PEG3: variants seen among roughly 807,000 people sequenced by gnomAD.
The protein encoded by PEG3 is paternally-expressed gene 3 protein.
Under a neutral mutation model 35.5 loss-of-function variants are expected in PEG3, and 23 were observed. That is an observed-to-expected ratio of 0.65 (90% confidence interval 0.47 to 0.92). PEG3 has a LOEUF of 0.92. Ranked by LOEUF, PEG3 falls within the 40% of genes least tolerant of loss-of-function variation. PEG3 has a pLI of 0.00. For synonymous variants in PEG3, 707 were observed against 697.0 expected (o/e 1.01, Z -0.23); for missense variants, 1,960 against 1,985.3 (o/e 0.99, Z 0.24).
chr19:56,837,174 G>A (rs2062236255), intron 1 of PEG3, among the ~76,000 whole-genome samples: 1 of 152,008 alleles, frequency 6.6e-6, no homozygotes, highest in South Asian at 2.1e-4. Context: ...ACTAAGCTTT[G>A]GAAGCTGGGC....
chr19:56,834,347 G>A (rs1338075007), intron 2 of PEG3, among the ~76,000 whole-genome samples: 1 of 152,122 alleles, frequency 6.6e-6, no homozygotes, highest in Non-Finnish European at 1.5e-5. Flanking sequence ...CAACATGGCT[G>A]TACCAGGCTA....
In PEG3 at chr19:56,816,005, T is replaced by C. The variant is rs750063058; in HGVS notation, c.2437A>G (p.Ile813Val). The C allele has an allele frequency of 3.8e-6, 6 of 1,588,500 alleles. No individual in the cohort carries two copies. Among genetic ancestry groups the C allele is most frequent in the Middle Eastern group, 1.7e-4 (1 of 5,898 alleles). ...AESTIQSFDA[I>V]NHQRVRAGGN... ...CCAGCACGAACTCTCTGATGGTTGA[T>C]AGCATCGAAGCTCTGAATGGTAGAC... The change falls in exon 10 of 10, where the codon ATC becomes GTC. Residue 813 changes from isoleucine to valine, a missense_variant. By Grantham distance (29) the Ile-to-Val change is conservative. Transcript: ENST00000326441.
intron 1 of PEG3, among the ~76,000 whole-genome samples, chr19:56,836,894 C>T (rs1395624551): frequency 5.6e-5 from 8 of 144,022 alleles, no homozygotes; most frequent in African/African-American, 1.3e-4. Flanking sequence ...CACTTGAACC[C>T]GGGAGGCAGA....
intron 2 of PEG3, among the ~76,000 whole-genome samples, chr19:56,826,803 A>G (rs987502375): frequency 6.6e-6 from 1 of 152,242 alleles, no homozygotes; most frequent in South Asian, 2.1e-4. Flanking sequence ...CAATTACAAT[A>G]AGACAAGAAA....
Position 56,817,356 on chromosome 19 carries a change from C to T in PEG3, c.1086G>A (p.Gln362=), listed in dbSNP as rs2146212700. 5.6e-6 allele frequency: 9 copies of T among 1,613,996 alleles called. No homozygotes were observed. The highest frequency in any genetic ancestry group is 7.6e-6 in the Non-Finnish European group (9 of 1,179,852). The change falls in exon 10 of 10, where the codon CAG becomes CAA. Residue 362 remains glutamine, a synonymous_variant. Coordinates refer to ENST00000326441, the MANE Select transcript of PEG3 (RefSeq NM_006210.3). ...ISLNKRESVI[Q]QRVYEGNAFR... is the part of the protein sequence containing the mutation. The stretch of plus-strand genomic sequence containing the variant: ...ATGCATTCCCTTCATAAACCCGCTG[C>T]TGGATCACTGACTCCCTCTTGTTCA...
chr19:56,823,494 C>T (rs1396506162), intron 5 of PEG3, 99 bp downstream of exon 5: 8 of 1,403,362 alleles, frequency 5.7e-6, no homozygotes, highest in South Asian at 3.6e-5. Flanking sequence ...TCGGGGATGG[C>T]GGGTCATCTT....
rs2059500483 is a variant in PEG3 at position 56,810,994 on chromosome 19, A to C, written c.*2681T>G. ...ATTCCACAAAGGTAATGTAACAGCT[A>C]TTTTGAATATACATTTTGACACAGT... On this transcript the variant is annotated 3_prime_UTR_variant, in exon 10 of 10. Coordinates refer to ENST00000326441, the MANE Select transcript of PEG3 (RefSeq NM_006210.3). The C allele has an allele frequency of 1.0e-6, 1 of 974,746 alleles. No individual in the cohort carries two copies. Among genetic ancestry groups the C allele is most frequent in the Non-Finnish European group, 1.2e-6 (1 of 820,208 alleles). 60.4% of individuals were successfully genotyped at this position (974,746 alleles called of 1,614,324 possible).
At chr19:56,836,261 G>A (rs1305575447) in intron 1 of PEG3, among the ~76,000 whole-genome samples, 157 bp from the exon 2 acceptor site, 7 of 152,080 alleles carry the variant, frequency 4.6e-5, no homozygotes, top group African/African-American at 7.2e-5. Context: ...GAATGGCCAC[G>A]GGTATAGCTC....
chr19:56,835,459 CA>C (rs1274667197), intron 2 of PEG3, among the ~76,000 whole-genome samples: 1 of 152,212 alleles, frequency 6.6e-6, no homozygotes, highest in Non-Finnish European at 1.5e-5. Flanking sequence ...CTACTCTCCC[CA>C]TGACACACAC....
At chr19:56,821,592 G>C in intron 7 of PEG3, 59 bp downstream of exon 7, 1 of 1,595,486 alleles carries the variant, frequency 6.3e-7, no homozygotes, top group Non-Finnish European at 8.6e-7. Context: ...GGGAAAGAAA[G>C]GCGTCTCTGC....
At chr19:56,821,594 C>A in intron 7 of PEG3, 57 bp downstream of exon 7, 1 of 1,595,098 alleles carries the variant, frequency 6.3e-7, no homozygotes, top group Non-Finnish European at 8.6e-7. Flanking sequence ...GAAAGAAAGG[C>A]GTCTCTGCCA....
At chr19:56,839,573 G>C (rs532540046) in intron 1 of PEG3, among the ~76,000 whole-genome samples, 2 of 148,690 alleles carry the variant, frequency 1.3e-5, no homozygotes, top group South Asian at 2.2e-4. Context: ...GGGCCTGAGT[G>C]GATAGTTACC....
At chr19:56,822,904 C>A in intron 5 of PEG3, 68 bp from the exon 6 acceptor site, 3 of 1,557,562 alleles carry the variant, frequency 1.9e-6, no homozygotes, top group Non-Finnish European at 2.6e-6. Flanking sequence ...TGCATGTGCA[C>A]AAACACCCCT....
At chr19:56,840,415 G>T (rs1372506321) in intron 1 of PEG3, among the ~76,000 whole-genome samples, 167 bp downstream of exon 1, 1 of 152,184 alleles carries the variant, frequency 6.6e-6, no homozygotes, top group Non-Finnish European at 1.5e-5. Context: ...CTCGGACTGG[G>T]CAGCGGGCGG....
Position 56,812,472 on chromosome 19 carries a change from C to T in PEG3, c.*1203G>A, listed in dbSNP as rs968351069. Reference sequence around the variant, plus strand: ...TGGAGTTAGAGGGTCAGATAAATAACGAAGAGAATTAAGTTAGCGATAGAA... The same window carrying T: ...TGGAGTTAGAGGGTCAGATAAATAATGAAGAGAATTAAGTTAGCGATAGAA... On this transcript the variant is annotated 3_prime_UTR_variant, in exon 10 of 10. Coordinates refer to ENST00000326441, the MANE Select transcript of PEG3 (RefSeq NM_006210.3). The T allele has an allele frequency of 1.7e-5, 17 of 983,712 alleles. No individual in the cohort carries two copies. The South Asian group carries it at 4.2e-4, about 25-fold the overall frequency. The allele number at this position is 983,712 out of a possible 1,614,324, so 60.9% of individuals were successfully genotyped here. A position where few individuals can be genotyped will look rare whatever the true frequency, so the allele number is the denominator to read the frequency against.
At chr19:56,838,569 T>C (rs2062493226) in intron 1 of PEG3, among the ~76,000 whole-genome samples, 1 of 152,084 alleles carries the variant, frequency 6.6e-6, no homozygotes, top group South Asian at 2.1e-4. Flanking sequence ...GTGAACAAAG[T>C]CTTGGTCAGG....
intron 5 of PEG3, among the ~76,000 whole-genome samples, chr19:56,823,198 C>T (rs754403704): frequency 1.2e-4 from 18 of 152,120 alleles, no homozygotes; most frequent in South Asian, 6.2e-4. Context: ...TTAAAGTACA[C>T]GTTATTCTAC....
chr19:56,816,230 T>C lies in PEG3; in HGVS notation c.2212A>G (p.Thr738Ala), dbSNP rs757370487. The C allele has an allele frequency of 6.2e-7, 1 of 1,614,172 alleles. No individual in the cohort carries two copies. The highest frequency in any genetic ancestry group is 8.5e-7 in the Non-Finnish European group (1 of 1,179,986). ...TCCTCATCACTTTCAAGAGGTCTTG[T>C]TATAGTATGACTCTTCTGAGATTCA... ...FTESQKSHTI[T>A]RPLESDEDEK... Residue 738 changes from threonine to alanine, a missense_variant, in exon 10 of 10, where the codon ACA becomes GCA. By Grantham distance (58) the Thr-to-Ala change is moderately conservative. Coordinates refer to ENST00000326441, the MANE Select transcript of PEG3 (RefSeq NM_006210.3).
At position 56,823,610 on chromosome 19, in the gene PEG3, T is replaced by C. The variant is rs748217139; in HGVS notation, c.464A>G (p.His155Arg). The C allele has an allele frequency of 3.0e-5, 48 of 1,613,868 alleles. No individual in the cohort carries two copies. Among genetic ancestry groups the C allele is most frequent in the Non-Finnish European group, 4.0e-5 (47 of 1,179,990 alleles). ...TRNRRESSPP[H>R]SVHSFSDRDW... ...CTCACCACTGAAAGAATGGACTGAGTGAGGTGGTGAGGACTCTCTTCTGTT... is the reference window on the plus strand; with the variant it reads ...CTCACCACTGAAAGAATGGACTGAGCGAGGTGGTGAGGACTCTCTTCTGTT... Residue 155 changes from histidine (H) to arginine (R), a missense_variant, in exon 5 of 10, where the codon CAC (histidine) becomes CGC (arginine). Transcript: ENST00000326441.
Sources: gnomAD v4.1 joint callset for allele counts (sites outside exome capture counted in the v4.1 genomes callset) on GRCh38, gnomAD v4.1.1 for gene constraint, MANE v1.5 for transcripts, NCBI Gene and HGNC (gene_info 2026-07-23, HGNC 2026-07-21) for gene names.